Variants in ZCCHC17 observed in about 807,000 individuals in gnomAD.
ZCCHC17 encodes the protein zinc finger CCHC-type containing 17.
ZCCHC17 carries 18 observed loss-of-function variants against 30.6 expected under a neutral mutation model. The ratio of observed to expected loss-of-function variants is 0.59; its 90% CI spans 0.41 to 0.87. ZCCHC17 has a LOEUF of 0.87. Ranked by LOEUF, ZCCHC17 falls within the 40% of genes least tolerant of loss-of-function variation. The pLI is 0.00. For missense variants in ZCCHC17, 263 were observed against 284.2 expected (o/e 0.93, Z 0.54); for synonymous variants, 88 against 92.4 (o/e 0.95, Z 0.27).
At chr1:31,316,231 A>G (rs1646728932) in intron 2 of ZCCHC17, among the ~76,000 whole-genome samples, 1 of 152,166 alleles carries the variant, frequency 6.6e-6, no homozygotes, top group Non-Finnish European at 1.5e-5. Context: ...CTACCCAAGT[A>G]GCTGGGATTA....
At chr1:31,317,293 A>G (rs1557432289) in intron 2 of ZCCHC17, among the ~76,000 whole-genome samples, 1 of 152,076 alleles carries the variant, frequency 6.6e-6, no homozygotes, top group East Asian at 1.9e-4. Context: ...TCAAAGTGCT[A>G]GGATTACAGG....
At chr1:31,310,312 G>A in intron 2 of ZCCHC17, 148 bp downstream of exon 2, 1 of 662,858 alleles carries the variant, frequency 1.5e-6, no homozygotes, top group Non-Finnish European at 2.5e-6. Context: ...GCAATCACAT[G>A]TGCCTTCTCT....
intron 1 of ZCCHC17, among the ~76,000 whole-genome samples, chr1:31,306,261 T>C (rs969168855): frequency 3.9e-5 from 6 of 152,158 alleles, no homozygotes; most frequent in African/African-American, 1.4e-4. Context: ...CTCTTTGGTA[T>C]ACCAAAATTG....
intron 7 of ZCCHC17, among the ~76,000 whole-genome samples, chr1:31,359,080 A>T (rs1639760366): frequency 6.6e-6 from 1 of 152,202 alleles, no homozygotes; most frequent in African/African-American, 2.4e-5. Flanking sequence ...CAAGTAAATA[A>T]GACCCAATAA....
At chr1:31,322,594 C>T (rs1419751538) in intron 3 of ZCCHC17, among the ~76,000 whole-genome samples, 6 of 152,140 alleles carry the variant, frequency 3.9e-5, no homozygotes, top group Non-Finnish European at 8.8e-5. Flanking sequence ...TCTCCAAACT[C>T]CATTGCTTAG....
chr1:31,358,501 A>G (rs1185618447), intron 7 of ZCCHC17, among the ~76,000 whole-genome samples: 2 of 152,186 alleles, frequency 1.3e-5, no homozygotes, highest in Non-Finnish European at 2.9e-5. Context: ...CAGTGGCAAA[A>G]ATGATGAGAA....
intron 1 of ZCCHC17, among the ~76,000 whole-genome samples, chr1:31,300,977 G>A (rs976211217): frequency 1.3e-5 from 2 of 151,806 alleles, no homozygotes; most frequent in African/African-American, 2.4e-5. Flanking sequence ...TGGCAAGTGT[G>A]TGTGGCCCTT....
chr1:31,317,434 T>C (rs1646763131), intron 2 of ZCCHC17, among the ~76,000 whole-genome samples: 1 of 152,194 alleles, frequency 6.6e-6, no homozygotes, highest in Non-Finnish European at 1.5e-5. Flanking sequence ...GAATGTCCAT[T>C]ATGTGCTACA....
intron 1 of ZCCHC17, 57 bp downstream of exon 1, chr1:31,297,132 G>A (rs1646181271): frequency 2.4e-6 from 1 of 413,802 alleles, no homozygotes; most frequent in African/African-American, 2.0e-5. Flanking sequence ...CGACGCCTCG[G>A]TTGTGCAGTC....
chr1:31,344,043 C>T lies in ZCCHC17; in HGVS notation c.318-2597C>T, dbSNP rs1008869633. On this transcript the variant is annotated intron_variant, in intron 5 of 7. Coordinates refer to ENST00000344147, the MANE Select transcript of ZCCHC17 (RefSeq NM_016505.4). ...CTAATTTTTGTTTTTTTAGTAGAGA[C>T]GGGGTTTCTCCATGTTGGTCAGGTT... 2.6e-5 allele frequency among the ~76,000 whole-genome samples: 4 copies of T among 151,524 alleles called. No individual in the cohort carries two copies. The South Asian group carries it at 6.3e-4, about 24-fold the overall frequency.
intron 1 of ZCCHC17, among the ~76,000 whole-genome samples, chr1:31,304,102 A>G (rs997291403): frequency 3.3e-5 from 5 of 152,108 alleles, no homozygotes; most frequent in Non-Finnish European, 5.9e-5. Context: ...TTGCTTCCCT[A>G]TGTAACACAG....
chr1:31,316,501 AG>A (rs1219285382), intron 2 of ZCCHC17, among the ~76,000 whole-genome samples: 1 of 152,260 alleles, frequency 6.6e-6, no homozygotes, highest in Non-Finnish European at 1.5e-5. Flanking sequence ...GTGGAACAAA[AG>A]CCAAAGTGCC....
chr1:31,316,155 G>A (rs1489380596), intron 2 of ZCCHC17, among the ~76,000 whole-genome samples: 1 of 152,124 alleles, frequency 6.6e-6, no homozygotes, highest in Non-Finnish European at 1.5e-5. Flanking sequence ...AGGCTGGAGT[G>A]CAGTAGCATG....
chr1:31,346,489 T>G lies in ZCCHC17; in HGVS notation c.318-151T>G, dbSNP rs150817079. ...TTAATTTAGGGCTATTTCACATCAT[T>G]GCATTTACTGCCTGTCTCGTTCTGT... On this transcript the variant is annotated intron_variant, in intron 5 of 7. Coordinates refer to ENST00000344147, the MANE Select transcript of ZCCHC17 (RefSeq NM_016505.4). 3.6e-4 allele frequency: 269 copies of G among 749,026 alleles called. 1 individual carries two copies. The African/African-American group carries it at 4.4e-3, about 12-fold the overall frequency. 46.4% of individuals were successfully genotyped at this position (749,026 alleles called of 1,614,324 possible).
At chr1:31,307,059 A>G (rs1025089734) in intron 1 of ZCCHC17, among the ~76,000 whole-genome samples, 16 of 151,632 alleles carry the variant, frequency 1.1e-4, no homozygotes, top group African/African-American at 3.9e-4. Flanking sequence ...GATGGTCTCG[A>G]ACTCTTGACC....
chr1:31,315,351 G>A lies in ZCCHC17; in HGVS notation c.67-3758G>A, dbSNP rs539823038. Among the ~76,000 whole-genome samples, 8 of 152,300 alleles carry A rather than the reference G, an allele frequency of 5.3e-5. No homozygotes were observed. The South Asian group carries it at 1.7e-3, about 32-fold the overall frequency. ...CCCATGTCCCAGCTCTTCTCTTGCT[G>A]AACTTAGCAGGGATTTGGGACCTAG... On this transcript the variant is annotated intron_variant, in intron 2 of 7. Transcript: ENST00000344147.
intron 5 of ZCCHC17, among the ~76,000 whole-genome samples, chr1:31,340,473 A>G (rs1639007353): frequency 6.6e-6 from 1 of 151,996 alleles, no homozygotes; most frequent in Non-Finnish European, 1.5e-5. Flanking sequence ...ATGTGCCACC[A>G]TGCCCGGCTA....
rs761914757 is a variant in ZCCHC17, at chr1:31,364,029, C to T, written c.565-3C>T. Reference sequence around the variant, plus strand: ...GTGTTGATTTTTAAAATTTTCTTTTCAGGAGAAGAAGAAAAAGAAACATAG... The same window carrying T: ...GTGTTGATTTTTAAAATTTTCTTTTTAGGAGAAGAAGAAAAAGAAACATAG... On this transcript the variant is annotated splice_region_variant and splice_polypyrimidine_tract_variant and intron_variant, in intron 7 of 7. Coordinates refer to ENST00000344147, the MANE Select transcript of ZCCHC17 (RefSeq NM_016505.4). 6.2e-7 allele frequency: 1 copy of T among 1,605,542 alleles called. No individual in the cohort carries two copies. Among genetic ancestry groups the T allele is most frequent in the Non-Finnish European group, 8.5e-7 (1 of 1,177,812 alleles).
chr1:31,310,623 C>T (rs1355196499), intron 2 of ZCCHC17, among the ~76,000 whole-genome samples: 1 of 152,230 alleles, frequency 6.6e-6, no homozygotes, highest in Non-Finnish European at 1.5e-5. Flanking sequence ...CATGGGATGA[C>T]ACAACAAGAA....
Sources: allele counts gnomAD v4.1 joint callset (sites outside exome capture counted in the v4.1 genomes callset), GRCh38; gene constraint gnomAD v4.1.1; transcripts MANE v1.5; gene names NCBI Gene and HGNC (gene_info 2026-07-23, HGNC 2026-07-21).